Variants in LANCL3 observed in about 807,000 individuals in gnomAD.
The protein encoded by LANCL3 is lanC-like protein 3.
In LANCL3, 19 loss-of-function variants were observed where a neutral mutation model predicts 26.5. The observed-to-expected ratio is 0.72, with a 90% CI of 0.50 to 1.05. The LOEUF (loss-of-function observed/expected upper bound fraction) is 1.05, where lower values mean the gene tolerates loss of function less well. LANCL3 is among the 50% of genes least tolerant of loss of function. LANCL3 has a pLI of 0.00. For synonymous variants in LANCL3, 160 were observed against 166.6 expected, an observed-to-expected ratio of 0.96 and a Z score of 0.30; for missense variants, 318 against 362.7, an observed-to-expected ratio of 0.88 and a Z score of 1.00.
At chrX:37,623,871 A>C (rs1602112472) in intron 1 of LANCL3, among the ~76,000 whole-genome samples, 1 of 112,100 alleles carries the variant, frequency 8.9e-6, no homozygotes, top group Admixed American at 9.5e-5. Flanking sequence ...GGAACATGCT[A>C]TGCATACTGT....
chrX:37,633,508 C>G (rs1175444308), intron 1 of LANCL3, among the ~76,000 whole-genome samples: 1 of 111,434 alleles, frequency 9.0e-6, no homozygotes, highest in African/African-American at 3.3e-5. Context: ...AGGCGCTCTG[C>G]TTTTTAGAGT....
At position 37,669,477 on chromosome X, in the gene LANCL3, C is replaced by G. The variant is rs782788651; in HGVS notation, c.1103+1988C>G. ...TCTCATGAATGGTTTGGCACCATCC[C>G]CTCTTGGTACTGTATAGTGATAGAG... On this transcript the variant is annotated intron_variant, in intron 4 of 4. Coordinates refer to ENST00000378619, the MANE Select transcript of LANCL3 (RefSeq NM_001170331.2). Among the ~76,000 whole-genome samples the G allele has an allele frequency of 2.7e-5, 3 of 111,554 alleles. No homozygotes were observed. The East Asian group carries it at 8.4e-4, about 31-fold the overall frequency.
At chrX:37,576,678 C>G (rs1556416440) in intron 1 of LANCL3, among the ~76,000 whole-genome samples, 1 of 111,129 alleles carries the variant, frequency 9.0e-6, no homozygotes, top group Non-Finnish European at 1.9e-5. Flanking sequence ...AAATAAAAGT[C>G]TGTTGGTGAA....
chrX:37,655,922 TAAG>T (rs1926272588), intron 2 of LANCL3, 111 bp downstream of exon 2: 1 of 617,626 alleles, frequency 1.6e-6, no homozygotes, highest in Admixed American at 3.7e-5. Context: ...AGTCATTTAA[TAAG>T]AAATACTTTA....
intron 3 of LANCL3, among the ~76,000 whole-genome samples, chrX:37,664,905 C>G (rs1389078125): frequency 1.8e-5 from 2 of 111,596 alleles, no homozygotes; most frequent in African/African-American, 6.5e-5. Context: ...TTTTTTATGG[C>G]TGCATAGTAT....
chrX:37,602,977 G>A (rs997268458), intron 1 of LANCL3, among the ~76,000 whole-genome samples: 4 of 111,877 alleles, frequency 3.6e-5, no homozygotes, highest in Admixed American at 9.5e-5. Flanking sequence ...GTAGATTTTA[G>A]AATTTGGGGA....
intron 1 of LANCL3, among the ~76,000 whole-genome samples, chrX:37,608,158 C>A (rs1483627927): frequency 8.9e-6 from 1 of 111,890 alleles, no homozygotes. Flanking sequence ...GATGAGAAAA[C>A]CAAAGTCCAG....
At chrX:37,584,955 C>T in intron 1 of LANCL3, among the ~76,000 whole-genome samples, 1 of 111,820 alleles carries the variant, frequency 8.9e-6, no homozygotes, top group Non-Finnish European at 1.9e-5. Context: ...TTTCCCTCTA[C>T]ACACTGCTTT....
At chrX:37,592,148 A>C in intron 1 of LANCL3, among the ~76,000 whole-genome samples, 1 of 111,769 alleles carries the variant, frequency 8.9e-6, no homozygotes, top group East Asian at 2.8e-4. Flanking sequence ...CACATCCAGA[A>C]CATTGGCAGC....
chrX:37,582,231 G>A (rs782680695), intron 1 of LANCL3, among the ~76,000 whole-genome samples: 1 of 111,569 alleles, frequency 9.0e-6, no homozygotes, highest in Non-Finnish European at 1.9e-5. Flanking sequence ...TGAATAGTGC[G>A]GCAATAAACA....
At chrX:37,585,470 C>G (rs1349253445) in intron 1 of LANCL3, among the ~76,000 whole-genome samples, 3 of 111,937 alleles carry the variant, frequency 2.7e-5, no homozygotes, top group Non-Finnish European at 5.6e-5. Flanking sequence ...CTTTATGAAT[C>G]TGGGTGCTCC....
chrX:37,657,174 C>T (rs1357687041), intron 2 of LANCL3, among the ~76,000 whole-genome samples: 13 of 112,620 alleles, frequency 1.2e-4, no homozygotes, highest in Non-Finnish European at 2.3e-4. Flanking sequence ...GGTATTAATT[C>T]CCTAGCAATT....
chrX:37,656,413 G>A (rs1425303728), intron 2 of LANCL3, among the ~76,000 whole-genome samples: 1 of 111,307 alleles, frequency 9.0e-6, no homozygotes, highest in East Asian at 2.8e-4. Flanking sequence ...TCTCCCACAT[G>A]CGGTGTTCTC....
intron 4 of LANCL3, among the ~76,000 whole-genome samples, chrX:37,670,027 CA>C (rs1430240234): frequency 4.5e-5 from 5 of 112,139 alleles, no homozygotes; most frequent in African/African-American, 1.3e-4. Context: ...GATAATTAAC[CA>C]ATCCTTAAAT....
At position 37,624,570 on chromosome X, in the gene LANCL3, A is replaced by G. The variant is rs1222317800; in HGVS notation, c.574-31118A>G. On this transcript the variant is annotated intron_variant, in intron 1 of 4. Coordinates refer to ENST00000378619, the MANE Select transcript of LANCL3 (RefSeq NM_001170331.2). ...GTCCATCTGGAAATTAATTTATTAAATTAATGTAAAAATAACACAATTTAA... is the reference window on the plus strand; with the variant it reads ...GTCCATCTGGAAATTAATTTATTAAGTTAATGTAAAAATAACACAATTTAA... Among the ~76,000 whole-genome samples the G allele has an allele frequency of 3.6e-5, 4 of 112,194 alleles. 1 individual carries two copies. In the East Asian group the frequency reaches 1.1e-3, roughly 31 times the overall value.
intron 1 of LANCL3, among the ~76,000 whole-genome samples, chrX:37,615,138 C>T (rs1301807529): frequency 8.9e-6 from 1 of 111,797 alleles, no homozygotes; most frequent in Non-Finnish European, 1.9e-5. Flanking sequence ...CGCAGTTTGG[C>T]CTCAGAGCCT....
intron 1 of LANCL3, among the ~76,000 whole-genome samples, chrX:37,629,219 TG>T (rs1477346420): frequency 9.1e-6 from 1 of 109,389 alleles, no homozygotes; most frequent in African/African-American, 3.3e-5. Context: ...CATTTTTTCA[TG>T]TGTTTTTTGG....
chrX:37,615,386 T>C (rs1184845989), intron 1 of LANCL3, among the ~76,000 whole-genome samples: 1 of 111,922 alleles, frequency 8.9e-6, no homozygotes, highest in Non-Finnish European at 1.9e-5. Flanking sequence ...GTAAGTACTC[T>C]GAAGCTCAAA....
intron 2 of LANCL3, 92 bp from the exon 3 acceptor site, chrX:37,659,370 C>A: frequency 1.5e-6 from 1 of 662,431 alleles, no homozygotes; most frequent in Non-Finnish European, 2.3e-6. Context: ...GTAATATTGG[C>A]TTTATTGTTT....
Sources: gnomAD v4.1 joint callset for allele counts (sites outside exome capture counted in the v4.1 genomes callset) on GRCh38, gnomAD v4.1.1 for gene constraint, MANE v1.5 for transcripts, NCBI Gene and HGNC (gene_info 2026-07-23, HGNC 2026-07-21) for gene names.